CCSER1: variants seen among roughly 807,000 people sequenced by gnomAD.
CCSER1 encodes the protein coiled-coil serine rich protein 1.
A neutral mutation model predicts 82.0 loss-of-function variants in CCSER1; 41 were observed. The ratio of observed to expected loss-of-function variants is 0.50; its 90% CI spans 0.39 to 0.65. The LOEUF is 0.65. CCSER1 is among the 30% of genes least tolerant of loss of function. CCSER1 has a pLI of 0.00. For synonymous variants in CCSER1, 414 were observed against 383.9 expected (o/e 1.08, Z -0.92); for missense variants, 1,119 against 1,064.2 (o/e 1.05, Z -0.72).
intron 10 of CCSER1, among the ~76,000 whole-genome samples, chr4:91,257,194 G>C (rs940175217): frequency 6.6e-6 from 1 of 152,040 alleles, no homozygotes; most frequent in African/African-American, 2.4e-5. Flanking sequence ...CATATGTTTA[G>C]ATATGTTACG....
chr4:91,496,627 TTTGAATATATATATATTCAATATATA>T (rs1560716414), intron 10 of CCSER1, among the ~76,000 whole-genome samples: 1 of 35,708 alleles, frequency 2.8e-5, no homozygotes, highest in African/African-American at 8.1e-5. Context: ...CGAATATATA[TTTGAATATATATATATTCAATATATA>T]TTGAATATAT....
chr4:90,705,759 G>A (rs902243360), intron 6 of CCSER1, among the ~76,000 whole-genome samples: 3 of 152,190 alleles, frequency 2.0e-5, no homozygotes, highest in Non-Finnish European at 4.4e-5. Flanking sequence ...CCATGGTCGT[G>A]GGACCCTCCG....
chr4:90,368,628 T>C (rs568515467), intron 3 of CCSER1, among the ~76,000 whole-genome samples: 1 of 151,936 alleles, frequency 6.6e-6, no homozygotes, highest in Admixed American at 6.6e-5. Context: ...TGATACTCTG[T>C]CTCAAAACAA....
intron 10 of CCSER1, chr4:91,325,138 A>G (rs1234043750): frequency 2.2e-6 from 1 of 455,988 alleles, no homozygotes; most frequent in Non-Finnish European, 4.4e-6. Context: ...CACAGGTGTC[A>G]AATGGGTTAG....
At chr4:90,812,773 C>A (rs953462925) in intron 7 of CCSER1, among the ~76,000 whole-genome samples, 3 of 151,992 alleles carry the variant, frequency 2.0e-5, no homozygotes, top group Non-Finnish European at 2.9e-5. Context: ...TACTTCTTCA[C>A]AAAGCAGCAG....
chr4:91,487,030 G>A (rs1383523960), intron 10 of CCSER1, among the ~76,000 whole-genome samples: 4 of 151,890 alleles, frequency 2.6e-5, no homozygotes, highest in Admixed American at 6.6e-5. Context: ...TGCTTAAAGA[G>A]GTTACTTGTA....
chr4:90,420,286 C>G (rs1326426620), intron 4 of CCSER1, among the ~76,000 whole-genome samples: 6 of 151,944 alleles, frequency 3.9e-5, no homozygotes, highest in Non-Finnish European at 5.9e-5. Flanking sequence ...CACCTGGGTG[C>G]ACTCTTTTCA....
Position 90,614,119 on chromosome 4 carries a change from C to G in CCSER1, c.1725-13906C>G, listed in dbSNP as rs186345447. Among the ~76,000 whole-genome samples the G allele has an allele frequency of 1.4e-3, 219 of 151,878 alleles. 1 individual carries two copies. The highest frequency in any genetic ancestry group is 0.014 in the Middle Eastern group (4 of 294). On this transcript the variant is annotated intron_variant, in intron 5 of 10. Coordinates refer to ENST00000509176, the MANE Select transcript of CCSER1 (RefSeq NM_001145065.2). Reference sequence around the variant, plus strand: ...TTTGGTATTCACACAAGATTTCAAACTTTTTCATTATTATATTAGTTATGG... The same window carrying G: ...TTTGGTATTCACACAAGATTTCAAAGTTTTTCATTATTATATTAGTTATGG...
intron 7 of CCSER1, among the ~76,000 whole-genome samples, chr4:90,760,700 T>C (rs62313014): frequency 0.057 from 8,648 of 152,118 alleles, 353 homozygotes; most frequent in Admixed American, 0.11. Flanking sequence ...GTTTTAGAAA[T>C]AGATCTAAGT....
At chr4:90,863,025 G>C (rs184532325) in intron 8 of CCSER1, among the ~76,000 whole-genome samples, 2,331 of 150,062 alleles carry the variant, frequency 0.016, 69 homozygotes, top group African/African-American at 0.054. Context: ...TGCCATGCTG[G>C]TGTGCTGCAC....
At chr4:90,841,813 G>T (rs941020881) in intron 8 of CCSER1, among the ~76,000 whole-genome samples, 2 of 152,072 alleles carry the variant, frequency 1.3e-5, no homozygotes, top group African/African-American at 4.8e-5. Flanking sequence ...CTCTGGAAGT[G>T]TGTCTGACTC....
intron 9 of CCSER1, among the ~76,000 whole-genome samples, chr4:90,933,032 GAA>G (rs1259913752): frequency 1.0e-5 from 1 of 96,392 alleles, no homozygotes; most frequent in Non-Finnish European, 2.0e-5. Flanking sequence ...AAGAAAGAAA[GAA>G]AGAAAGAAAG....
At chr4:91,481,831 A>C (rs1193507860) in intron 10 of CCSER1, among the ~76,000 whole-genome samples, 1 of 152,192 alleles carries the variant, frequency 6.6e-6, no homozygotes, top group Non-Finnish European at 1.5e-5. Flanking sequence ...ATCAGAGTGA[A>C]CAGGCAACCT....
chr4:91,579,616 T>C (rs565904312), intron 10 of CCSER1, among the ~76,000 whole-genome samples: 1 of 151,826 alleles, frequency 6.6e-6, no homozygotes, highest in African/African-American at 2.4e-5. Flanking sequence ...TTCTGTGGTA[T>C]AAGGCTAGCC....
chr4:90,180,695 G>A (rs780039199), intron 1 of CCSER1, among the ~76,000 whole-genome samples: 1 of 152,024 alleles, frequency 6.6e-6, no homozygotes, highest in Non-Finnish European at 1.5e-5. Flanking sequence ...CACAGAATTA[G>A]CATATTCTCT....
chr4:90,492,926 G>A (rs1315316155), intron 5 of CCSER1, among the ~76,000 whole-genome samples: 2 of 151,878 alleles, frequency 1.3e-5, no homozygotes, highest in African/African-American at 4.8e-5. Flanking sequence ...GCTGAGGAGT[G>A]CTTTACTTCC....
At chr4:90,477,569 A>G (rs1765278028) in intron 5 of CCSER1, among the ~76,000 whole-genome samples, 1 of 152,208 alleles carries the variant, frequency 6.6e-6, no homozygotes, top group Non-Finnish European at 1.5e-5. Flanking sequence ...TTATGCTTTT[A>G]GATATTTCCT....
chr4:90,963,199 G>A (rs1037400615), intron 9 of CCSER1, among the ~76,000 whole-genome samples: 1 of 152,080 alleles, frequency 6.6e-6, no homozygotes, highest in Non-Finnish European at 1.5e-5. Flanking sequence ...AGGAAACTAA[G>A]CTTTCATTTA....
intron 7 of CCSER1, among the ~76,000 whole-genome samples, chr4:90,726,670 C>T (rs1007933643): frequency 2.6e-5 from 4 of 152,044 alleles, no homozygotes; most frequent in Non-Finnish European, 4.4e-5. Context: ...TTCTCTATTC[C>T]CCCACACTAT....
Sources: allele counts gnomAD v4.1 joint callset (sites outside exome capture counted in the v4.1 genomes callset), GRCh38; gene constraint gnomAD v4.1.1; transcripts MANE v1.5; gene names NCBI Gene and HGNC (gene_info 2026-07-23, HGNC 2026-07-21).